Variants in FRMD3 observed in about 807,000 individuals in gnomAD.
FRMD3 encodes FERM domain-containing protein 3.
FRMD3 carries 33 observed loss-of-function variants against 70.2 expected under a neutral mutation model. That is an observed-to-expected ratio of 0.47 (90% CI 0.36 to 0.63). The LOEUF is 0.63. Among genes scored for constraint, FRMD3 ranks in the 20% least tolerant of loss-of-function variants. The pLI is 0.00. For missense variants in FRMD3, 632 were observed against 711.4 expected, an observed-to-expected ratio of 0.89 and a Z score of 1.27; for synonymous variants, 279 against 255.9, an observed-to-expected ratio of 1.09 and a Z score of -0.86.
the FRMD3 span, among the ~76,000 whole-genome samples, chr9:83,554,339 C>A: frequency 1.3e-5 from 2 of 152,194 alleles, no homozygotes; most frequent in Non-Finnish European, 2.9e-5. Context: ...CTGCTCACTG[C>A]AGCTCTGGTG....
At chr9:83,569,317 A>G in the FRMD3 span, among the ~76,000 whole-genome samples, 8 of 152,224 alleles carry the variant, frequency 5.3e-5, no homozygotes, top group Non-Finnish European at 1.5e-5. Context: ...GATGGACTGG[A>G]AAACTTCAAT....
chr9:83,331,736 C>T (rs993463263), intron 6 of FRMD3: 12 of 674,554 alleles, frequency 1.8e-5, no homozygotes, highest in East Asian at 2.7e-5. Context: ...TTGCTGTAAA[C>T]CTAAACATCT....
At chr9:83,402,356 A>G (rs923223966) in intron 1 of FRMD3, among the ~76,000 whole-genome samples, 1 of 151,040 alleles carries the variant, frequency 6.6e-6, no homozygotes, top group African/African-American at 2.4e-5. Context: ...AATTAAGCAT[A>G]GAACCTCTGC....
intron 1 of FRMD3, among the ~76,000 whole-genome samples, chr9:83,399,432 T>C (rs1825891565): frequency 1.3e-5 from 2 of 152,210 alleles, no homozygotes; most frequent in Admixed American, 6.5e-5. Context: ...ATTTGATTTG[T>C]CAGCTCTTCT....
At chr9:83,350,403 C>G (rs1353813184) in intron 3 of FRMD3, among the ~76,000 whole-genome samples, 2 of 151,556 alleles carry the variant, frequency 1.3e-5, no homozygotes, top group Admixed American at 6.6e-5. Context: ...GCAGGCAGAT[C>G]ACCTGAGGTC....
chr9:83,564,627 T>C, the FRMD3 span, among the ~76,000 whole-genome samples: 1 of 152,098 alleles, frequency 6.6e-6, no homozygotes, highest in East Asian at 1.9e-4. Context: ...CAAATCTTGT[T>C]GTGATGTGGT....
intron 5 of FRMD3, among the ~76,000 whole-genome samples, chr9:83,342,645 C>T (rs1419122768): frequency 6.6e-6 from 1 of 151,816 alleles, no homozygotes; most frequent in Non-Finnish European, 1.5e-5. Flanking sequence ...TATGTATACA[C>T]ATACACACAC....
At chr9:83,498,004 C>G (rs1377729206) in intron 1 of FRMD3, among the ~76,000 whole-genome samples, 1 of 152,160 alleles carries the variant, frequency 6.6e-6, no homozygotes, top group East Asian at 1.9e-4. Context: ...AAAAATTAGC[C>G]AGGCATGGTG....
At chr9:83,459,294 C>T (rs891386723) in intron 1 of FRMD3, among the ~76,000 whole-genome samples, 3 of 152,202 alleles carry the variant, frequency 2.0e-5, no homozygotes, top group African/African-American at 4.8e-5. Context: ...CTGGCTTGTT[C>T]ACTTCCAACT....
intron 1 of FRMD3, among the ~76,000 whole-genome samples, chr9:83,479,344 A>AAGG (rs58938099): frequency 1.8e-4 from 20 of 108,122 alleles, no homozygotes; most frequent in African/African-American, 4.3e-4. Flanking sequence ...GAAGAGGAAG[A>AAGG]AGGAGGAGGA....
intron 1 of FRMD3, among the ~76,000 whole-genome samples, chr9:83,452,848 CTTTTTTT>C (rs11346596): frequency 8.3e-5 from 6 of 72,362 alleles, no homozygotes; most frequent in African/African-American, 1.9e-4. Context: ...TTTTTATTGC[CTTTTTTT>C]TTTTTTTTTT....
intron 13 of FRMD3, among the ~76,000 whole-genome samples, chr9:83,262,911 G>A (rs764489469): frequency 1.5e-4 from 23 of 152,182 alleles, no homozygotes; most frequent in Middle Eastern, 3.2e-3. Flanking sequence ...TAAGCCAGTC[G>A]TGGTAATTCC....
At chr9:83,403,553 C>T (rs1206406902) in intron 1 of FRMD3, among the ~76,000 whole-genome samples, 1 of 152,072 alleles carries the variant, frequency 6.6e-6, no homozygotes, top group Admixed American at 6.6e-5. Flanking sequence ...GGAGACCCCA[C>T]GAGAAGACGG....
chr9:83,311,520 G>A (rs756950014), intron 8 of FRMD3, among the ~76,000 whole-genome samples: 4 of 152,130 alleles, frequency 2.6e-5, no homozygotes, highest in Non-Finnish European at 4.4e-5. Context: ...GGAGAAGAGT[G>A]GAAAGAAGTG....
intron 3 of FRMD3, among the ~76,000 whole-genome samples, chr9:83,367,489 G>A (rs1291576615): frequency 6.6e-6 from 1 of 152,156 alleles, no homozygotes; most frequent in African/African-American, 2.4e-5. Context: ...GATGGGAAAA[G>A]AAGATGAGAA....
intron 1 of FRMD3, among the ~76,000 whole-genome samples, chr9:83,486,995 G>T (rs1290102633): frequency 1.3e-5 from 2 of 152,200 alleles, no homozygotes; most frequent in Admixed American, 6.5e-5. Context: ...CCCATGAACT[G>T]CTGTAAGCAT....
At chr9:83,528,897 A>G (rs7040172) in intron 1 of FRMD3, among the ~76,000 whole-genome samples, 2,795 of 152,312 alleles carry the variant, frequency 0.018, 86 homozygotes, top group African/African-American at 0.062. Context: ...TTTATATTAT[A>G]TATAGACAGA....
intron 1 of FRMD3, among the ~76,000 whole-genome samples, chr9:83,474,260 GTTCT>G (rs894819095): frequency 3.3e-5 from 5 of 152,142 alleles, no homozygotes; most frequent in African/African-American, 1.2e-4. Context: ...AAGAATTACT[GTTCT>G]TTCTTACTAT....
intron 1 of FRMD3, among the ~76,000 whole-genome samples, chr9:83,503,901 C>T (rs1216090164): frequency 6.6e-6 from 1 of 152,174 alleles, no homozygotes; most frequent in Non-Finnish European, 1.5e-5. Context: ...GAAGATATAG[C>T]TTGAGAAGGT....
Sources: allele counts gnomAD v4.1 joint callset (sites outside exome capture counted in the v4.1 genomes callset), GRCh38; gene constraint gnomAD v4.1.1; transcripts MANE v1.5; gene names NCBI Gene and HGNC (gene_info 2026-07-23, HGNC 2026-07-21).